Variants in XYLT1 observed in about 807,000 individuals in gnomAD.
XYLT1 encodes the protein xylosyltransferase 1, also known as beta-D-xylosyltransferase 1.
A neutral mutation model predicts 91.3 loss-of-function variants in XYLT1; 36 were observed. The ratio of observed to expected loss-of-function variants is 0.39; its 90% CI spans 0.30 to 0.52. The LOEUF (loss-of-function observed/expected upper bound fraction) is 0.52, where lower values mean the gene tolerates loss of function less well. Ranked by LOEUF, XYLT1 falls within the 20% of genes least tolerant of loss-of-function variation. The pLI is 0.68. For missense variants in XYLT1, 1,242 were observed against 1,284.5 expected (o/e 0.97, Z 0.51); for synonymous variants, 588 against 532.0 (o/e 1.11, Z -1.45).
intron 5 of XYLT1, among the ~76,000 whole-genome samples, chr16:17,166,379 A>T (rs2031681811): frequency 1.3e-5 from 2 of 152,174 alleles, no homozygotes; most frequent in Admixed American, 1.3e-4. Context: ...GACCTGACAC[A>T]TAGAAGGTGC....
intron 5 of XYLT1, among the ~76,000 whole-genome samples, chr16:17,197,499 G>A (rs1046173817): frequency 1.3e-5 from 2 of 152,178 alleles, no homozygotes; most frequent in African/African-American, 4.8e-5. Flanking sequence ...AGGATGCAAA[G>A]TACTGTTTCT....
intron 1 of XYLT1, among the ~76,000 whole-genome samples, chr16:17,360,055 G>A (rs905539678): frequency 6.6e-6 from 1 of 152,156 alleles, no homozygotes; most frequent in African/African-American, 2.4e-5. Flanking sequence ...GTGTCTGTCT[G>A]TCTGTCCATT....
At chr16:17,158,259 C>A (rs1450495121) in intron 6 of XYLT1, among the ~76,000 whole-genome samples, 1 of 152,102 alleles carries the variant, frequency 6.6e-6, no homozygotes, top group Non-Finnish European at 1.5e-5. Context: ...TGCCTCCCAC[C>A]CCTGCTGATG....
rs117212962 is a variant in XYLT1, at chr16:17,350,796, C to T, written c.402+7216G>A. ...GCTCTCTGTGGAGGAAAAGGTTAATCGAAGCCCAGAGCCGGAAGAACGGAG... is the reference window on the plus strand; with the variant it reads ...GCTCTCTGTGGAGGAAAAGGTTAATTGAAGCCCAGAGCCGGAAGAACGGAG... On this transcript the variant is annotated intron_variant, in intron 2 of 11. Transcript: ENST00000261381. Among the ~76,000 whole-genome samples, 236 of 152,232 alleles carry T rather than the reference C, an allele frequency of 1.6e-3. 2 individuals are homozygous for T. The East Asian group carries it at 0.026, about 17-fold the overall frequency.
intron 3 of XYLT1, among the ~76,000 whole-genome samples, chr16:17,211,244 A>G (rs1024490033): frequency 2.8e-4 from 42 of 152,128 alleles, no homozygotes; most frequent in African/African-American, 9.7e-4. Context: ...CCAAACTAGG[A>G]TGTGCTGAGT....
chr16:17,344,594 G>A (rs1196005450), intron 2 of XYLT1, among the ~76,000 whole-genome samples: 1 of 152,126 alleles, frequency 6.6e-6, no homozygotes, highest in Non-Finnish European at 1.5e-5. Flanking sequence ...GTTGCCCTGG[G>A]GAAGGGAGTC....
At chr16:17,391,311 C>T (rs915392378) in intron 1 of XYLT1, among the ~76,000 whole-genome samples, 4 of 152,174 alleles carry the variant, frequency 2.6e-5, no homozygotes, top group African/African-American at 4.8e-5. Flanking sequence ...ACTGTGTCCT[C>T]ACCAGAAGAG....
At chr16:17,415,462 G>A (rs1172446579) in intron 1 of XYLT1, among the ~76,000 whole-genome samples, 4 of 152,208 alleles carry the variant, frequency 2.6e-5, no homozygotes, top group Non-Finnish European at 4.4e-5. Flanking sequence ...GGCCGAGGCG[G>A]GCGGATTGCC....
At position 17,416,703 on chromosome 16, in the gene XYLT1, G is replaced by A. The variant is rs7186552; in HGVS notation, c.363+53731C>T. 8.6e-3 allele frequency among the ~76,000 whole-genome samples: 1,312 copies of A among 152,260 alleles called. 14 individuals carry two copies. The highest frequency in any genetic ancestry group is 0.03 in the African/African-American group (1,234 of 41,552). Reference sequence around the variant, plus strand: ...CTAGAATTTAGATTCTCAGTTCTGCGGGAGAGCAGGACAGATTTACGGAAT... The same window carrying A: ...CTAGAATTTAGATTCTCAGTTCTGCAGGAGAGCAGGACAGATTTACGGAAT... On this transcript the variant is annotated intron_variant, in intron 1 of 11. Transcript: ENST00000261381.
intron 3 of XYLT1, among the ~76,000 whole-genome samples, chr16:17,256,852 G>A (rs28388574): frequency 0.19 from 28,432 of 152,102 alleles, 3,313 homozygotes; most frequent in African/African-American, 0.32. Context: ...GGAACGGAAA[G>A]CCCTTCCTCC....
chr16:17,395,716 C>T (rs1370762798), intron 1 of XYLT1, among the ~76,000 whole-genome samples: 1 of 152,202 alleles, frequency 6.6e-6, no homozygotes, highest in East Asian at 1.9e-4. Flanking sequence ...AGATCATTCA[C>T]AATATAAAGG....
intron 5 of XYLT1, among the ~76,000 whole-genome samples, chr16:17,160,950 A>C (rs2031534715): frequency 6.6e-6 from 1 of 152,164 alleles, no homozygotes; most frequent in Non-Finnish European, 1.5e-5. Flanking sequence ...TCTCCGCAAC[A>C]GTTCATTATT....
intron 2 of XYLT1, among the ~76,000 whole-genome samples, chr16:17,292,814 A>C (rs1162606455): frequency 6.6e-6 from 1 of 152,208 alleles, no homozygotes; most frequent in Admixed American, 6.5e-5. Flanking sequence ...ATGGGAATAC[A>C]GAGGCCACTT....
intron 1 of XYLT1, among the ~76,000 whole-genome samples, chr16:17,432,488 C>G (rs897360481): frequency 6.6e-6 from 1 of 152,104 alleles, no homozygotes; most frequent in East Asian, 1.9e-4. Flanking sequence ...CCAGAATAGG[C>G]AGATCTATAG....
At chr16:17,325,126 G>A (rs939125255) in intron 2 of XYLT1, among the ~76,000 whole-genome samples, 5 of 152,122 alleles carry the variant, frequency 3.3e-5, no homozygotes, top group South Asian at 2.1e-4. Flanking sequence ...TGCCGGGCAC[G>A]GTGGCTCATG....
At chr16:17,377,758 A>T (rs2035621993) in intron 1 of XYLT1, among the ~76,000 whole-genome samples, 1 of 152,156 alleles carries the variant, frequency 6.6e-6, no homozygotes, top group Non-Finnish European at 1.5e-5. Flanking sequence ...GTGAGTTTCA[A>T]GCACTGGAGC....
rs79629674 is a variant in XYLT1, at chr16:17,313,152, G to A, written c.402+44860C>T. On this transcript the variant is annotated intron_variant, in intron 2 of 11. Coordinates refer to ENST00000261381, the MANE Select transcript of XYLT1 (RefSeq NM_022166.4). ...CTGGTGATGTTCTCGGGACTGGCCT[G>A]GGCTGCCTGCCAACACCAGAACTAG... Among the ~76,000 whole-genome samples the A allele has an allele frequency of 8.5e-5, 13 of 152,338 alleles. No homozygotes were observed. In the East Asian group the frequency reaches 2.5e-3, roughly 29 times the overall value.
At chr16:17,437,223 G>A (rs1413297795) in intron 1 of XYLT1, among the ~76,000 whole-genome samples, 1 of 152,124 alleles carries the variant, frequency 6.6e-6, no homozygotes, top group African/African-American at 2.4e-5. Context: ...GAAAAAAAAC[G>A]ATGCTTGCCA....
intron 2 of XYLT1, among the ~76,000 whole-genome samples, chr16:17,296,642 C>T (rs2034315424): frequency 6.6e-6 from 1 of 152,192 alleles, no homozygotes; most frequent in Non-Finnish European, 1.5e-5. Context: ...GCGCAGAGCC[C>T]GGGGCCAACT....
Sources: gnomAD v4.1 joint callset for allele counts (sites outside exome capture counted in the v4.1 genomes callset) on GRCh38, gnomAD v4.1.1 for gene constraint, MANE v1.5 for transcripts, NCBI Gene and HGNC (gene_info 2026-07-23, HGNC 2026-07-21) for gene names.